ARL13B: variants seen among roughly 807,000 people sequenced by gnomAD.
The protein encoded by ARL13B is ADP-ribosylation factor-like protein 13B.
Under a neutral mutation model 56.1 loss-of-function variants are expected in ARL13B, and 36 were observed. The ratio of observed to expected loss-of-function variants is 0.64; its 90% CI spans 0.49 to 0.85. The LOEUF (loss-of-function observed/expected upper bound fraction) is 0.85, where lower values mean the gene tolerates loss of function less well. Among genes scored for constraint, ARL13B ranks in the 40% least tolerant of loss-of-function variants. The pLI, the probability that ARL13B is intolerant of heterozygous loss-of-function variation, is 0.00. For synonymous variants in ARL13B, 178 were observed against 171.1 expected (o/e 1.04, Z -0.32); for missense variants, 519 against 507.1 (o/e 1.02, Z -0.23).
chr3:93,982,744 T>G (rs1710280366), intron 1 of ARL13B, among the ~76,000 whole-genome samples: 1 of 152,206 alleles, frequency 6.6e-6, no homozygotes, highest in African/African-American at 2.4e-5. Flanking sequence ...TACCCCTGTC[T>G]TCTAAGTCCC....
intron 3 of ARL13B, among the ~76,000 whole-genome samples, chr3:94,022,836 A>G (rs975389042): frequency 1.2e-4 from 18 of 152,124 alleles, no homozygotes; most frequent in African/African-American, 4.3e-4. Context: ...ATAACATTTA[A>G]TTTTAAGAAA....
chr3:94,036,488 T>C, intron 4 of ARL13B, 64 bp from the exon 5 acceptor site: 1 of 1,520,114 alleles, frequency 6.6e-7, no homozygotes. Flanking sequence ...TTATACTTAA[T>C]GGTTTATGAA....
chr3:94,042,005 C>A (rs369738124), intron 6 of ARL13B, among the ~76,000 whole-genome samples: 1 of 151,928 alleles, frequency 6.6e-6, no homozygotes, highest in Non-Finnish European at 1.5e-5. Context: ...TGCAGTGAGC[C>A]GAGATCGTGC....
chr3:93,982,682 G>C (rs1710276960), intron 1 of ARL13B, among the ~76,000 whole-genome samples: 1 of 152,094 alleles, frequency 6.6e-6, no homozygotes, highest in Non-Finnish European at 1.5e-5. Context: ...AAAGGACATA[G>C]GTAAACATCT....
intron 1 of ARL13B, among the ~76,000 whole-genome samples, chr3:93,984,549 A>G (rs1710359982): frequency 6.6e-6 from 1 of 152,034 alleles, no homozygotes; most frequent in Non-Finnish European, 1.5e-5. Context: ...GGGGAGGCAG[A>G]GGAGGCAGGA....
chr3:94,000,445 C>CTATTGT (rs1559974464), intron 2 of ARL13B, among the ~76,000 whole-genome samples: 1 of 151,882 alleles, frequency 6.6e-6, no homozygotes, highest in Non-Finnish European at 1.5e-5. Flanking sequence ...TAATAGGGAA[C>CTATTGT]TATTGTTATT....
rs1046418132 is a variant in ARL13B at position 94,010,279 on chromosome 3, G to C, written c.380+6371G>C. Among the ~76,000 whole-genome samples, 35 of 152,072 alleles carry C rather than the reference G, an allele frequency of 2.3e-4. 2 individuals carry two copies. Among genetic ancestry groups the C allele is most frequent in the Admixed American group, 1.8e-3 (27 of 15,262 alleles). On this transcript the variant is annotated intron_variant, in intron 3 of 9. Transcript: ENST00000394222. ...TAAAGCCTCTCAAGCCTGTAGTACA[G>C]TGTTTCACTAGTGTTCTGTAAATGC...
intron 3 of ARL13B, chr3:94,014,280 G>T: frequency 1.1e-6 from 1 of 943,458 alleles, no homozygotes; most frequent in Non-Finnish European, 1.5e-6. Flanking sequence ...TAACAGTGAT[G>T]AAAGGTATGT....
At chr3:94,008,169 C>T (rs1471008844) in intron 3 of ARL13B, among the ~76,000 whole-genome samples, 1 of 152,012 alleles carries the variant, frequency 6.6e-6, no homozygotes, top group Non-Finnish European at 1.5e-5. Flanking sequence ...AAAATAAATG[C>T]CATGCAAACA....
At chr3:93,988,085 G>T (rs1196540503) in intron 1 of ARL13B, among the ~76,000 whole-genome samples, 1 of 152,090 alleles carries the variant, frequency 6.6e-6, no homozygotes, top group Non-Finnish European at 1.5e-5. Flanking sequence ...TTAATAGCAT[G>T]TACACTATAT....
chr3:93,995,384 T>C (rs1043278694), intron 1 of ARL13B, among the ~76,000 whole-genome samples: 47 of 152,152 alleles, frequency 3.1e-4, no homozygotes, highest in Admixed American at 2.0e-3. Context: ...TTTACAATTA[T>C]AGTATCCTTC....
chr3:94,045,598 G>T (rs955311090), intron 7 of ARL13B, among the ~76,000 whole-genome samples: 2 of 151,808 alleles, frequency 1.3e-5, no homozygotes, highest in Non-Finnish European at 2.9e-5. Context: ...AAAAGTAAAG[G>T]ACTGGAATAC....
chr3:94,000,527 T>G (rs2076036449), intron 2 of ARL13B, among the ~76,000 whole-genome samples: 1 of 151,892 alleles, frequency 6.6e-6, no homozygotes, highest in Admixed American at 6.6e-5. Context: ...CATTATATTG[T>G]AGTTATTTGT....
At chr3:94,047,294 A>G (rs563034005) in intron 7 of ARL13B, among the ~76,000 whole-genome samples, 1 of 152,334 alleles carries the variant, frequency 6.6e-6, no homozygotes, top group South Asian at 2.1e-4. Flanking sequence ...TTTGAAAGTT[A>G]TACTTTTTGT....
intron 2 of ARL13B, among the ~76,000 whole-genome samples, chr3:94,001,603 T>TA (rs748132180): frequency 2.6e-5 from 4 of 152,162 alleles, no homozygotes; most frequent in Non-Finnish European, 5.9e-5. Flanking sequence ...TTAAAGAACA[T>TA]ACAAATTCTG....
rs781400189 is a variant in ARL13B, at chr3:94,035,441, G to A, written c.486+5G>A. On this transcript the variant is annotated splice_donor_5th_base_variant and intron_variant, in intron 4 of 9. Coordinates refer to ENST00000394222, the MANE Select transcript of ARL13B (RefSeq NM_001174150.2). The stretch of plus-strand genomic sequence containing the variant: ...CACAAGTGCCTGTGTCAGATAGTAA[G>A]GTTTTTTTTTTTTTTTTAATTTTAA... 3.3e-6 allele frequency: 5 copies of A among 1,512,840 alleles called. No individual in the cohort carries two copies. The South Asian group carries it at 4.9e-5, about 15-fold the overall frequency. The allele number at this position is 1,512,840 out of a possible 1,614,324, so 93.7% of individuals were successfully genotyped here. A position where few individuals can be genotyped will look rare whatever the true frequency, so the allele number is the denominator to read the frequency against.
In ARL13B at chr3:94,050,856, C is replaced by A; in HGVS notation, c.1174C>A (p.Pro392Thr). The change falls in exon 9 of 10, where the codon CCA becomes ACA. Residue 392 changes from proline (P) to threonine (T), a missense_variant. By Grantham distance (38) the Pro-to-Thr change is conservative. Coordinates refer to ENST00000394222, the MANE Select transcript of ARL13B (RefSeq NM_001174150.2). The part of the protein sequence containing the change: ...GWGTPKVTRL[P>T]KLEPLGETHH... ...GGGAACCCCTAAAGTCACTAGACTTCCAAAACTTGAGCCTCTTGGTGAAAC... is the reference window on the plus strand; with the variant it reads ...GGGAACCCCTAAAGTCACTAGACTTACAAAACTTGAGCCTCTTGGTGAAAC... 6.2e-7 allele frequency: 1 copy of A among 1,612,972 alleles called. No individual in the cohort carries two copies. Among genetic ancestry groups the A allele is most frequent in the Non-Finnish European group, 8.5e-7 (1 of 1,179,734 alleles).
At chr3:94,039,478 C>T (rs1263616550) in intron 5 of ARL13B, among the ~76,000 whole-genome samples, 6 of 118,682 alleles carry the variant, frequency 5.1e-5, no homozygotes, top group South Asian at 5.1e-4. Context: ...CCAGCCTGGG[C>T]GAGAATGCAA....
At chr3:94,024,088 C>G (rs1332839514) in intron 3 of ARL13B, among the ~76,000 whole-genome samples, 1 of 152,070 alleles carries the variant, frequency 6.6e-6, no homozygotes, top group Non-Finnish European at 1.5e-5. Flanking sequence ...TTTCTGTTTC[C>G]TTCTCTTGTA....
Sources: allele counts gnomAD v4.1 joint callset (sites outside exome capture counted in the v4.1 genomes callset), GRCh38; gene constraint gnomAD v4.1.1; transcripts MANE v1.5; gene names NCBI Gene and HGNC (gene_info 2026-07-23, HGNC 2026-07-21).